ULK4: variants seen among roughly 807,000 people sequenced by gnomAD.
ULK4 encodes the protein inactive serine/threonine-protein kinase ULK4.
Under a neutral mutation model 160.6 loss-of-function variants are expected in ULK4, and 133 were observed. The observed-to-expected ratio is 0.83, with a 90% CI of 0.72 to 0.96. The LOEUF (loss-of-function observed/expected upper bound fraction) is 0.96. Ranked by LOEUF, ULK4 falls within the 40% of genes least tolerant of loss-of-function variation. The pLI, the probability that ULK4 is intolerant of heterozygous loss-of-function variation, is 0.00. For missense variants in ULK4, 1,580 were observed against 1,499.5 expected (o/e 1.05, Z -0.89); for synonymous variants, 534 against 539.8 (o/e 0.99, Z 0.15).
chr3:41,793,974 G>A (rs904915964), intron 20 of ULK4, among the ~76,000 whole-genome samples: 5 of 152,126 alleles, frequency 3.3e-5, no homozygotes, highest in African/African-American at 7.2e-5. Context: ...ATATCAGCAG[G>A]CAACATCACC....
chr3:41,620,134 C>A (rs1481720540), intron 30 of ULK4, among the ~76,000 whole-genome samples: 1 of 152,090 alleles, frequency 6.6e-6, no homozygotes. Flanking sequence ...ACCTACTGGC[C>A]AAAAAGAGCC....
At chr3:41,562,870 A>C (rs1477696716) in intron 32 of ULK4, among the ~76,000 whole-genome samples, 2 of 152,170 alleles carry the variant, frequency 1.3e-5, no homozygotes, top group Non-Finnish European at 2.9e-5. Context: ...ATTTAAGGTT[A>C]ATACTGTTAT....
intron 35 of ULK4, among the ~76,000 whole-genome samples, chr3:41,298,443 C>G (rs1239500107): frequency 6.6e-6 from 1 of 152,202 alleles, no homozygotes; most frequent in East Asian, 1.9e-4. Context: ...TAATGTTTTC[C>G]TGTTGTTAAA....
intron 17 of ULK4, among the ~76,000 whole-genome samples, chr3:41,869,271 C>T: frequency 6.6e-6 from 1 of 151,910 alleles, no homozygotes; most frequent in South Asian, 2.1e-4. Flanking sequence ...AATATTAGCT[C>T]ATAATATTAT....
intron 9 of ULK4, among the ~76,000 whole-genome samples, 183 bp from the exon 10 acceptor site, chr3:41,911,842 T>C (rs1380581348): frequency 6.6e-6 from 1 of 152,154 alleles, no homozygotes; most frequent in Non-Finnish European, 1.5e-5. Flanking sequence ...GAAAGCTACG[T>C]CACTGTAGTC....
intron 35 of ULK4, among the ~76,000 whole-genome samples, chr3:41,284,527 T>C (rs1340746167): frequency 6.6e-6 from 1 of 152,146 alleles, no homozygotes; most frequent in Middle Eastern, 3.2e-3. Context: ...GGTGCTGGGA[T>C]AACTGGCTAG....
intron 17 of ULK4, among the ~76,000 whole-genome samples, chr3:41,842,189 AT>A (rs796119788): frequency 0.12 from 15,270 of 124,880 alleles, 1,094 homozygotes; most frequent in Middle Eastern, 0.22. Flanking sequence ...AAAAAAAAAA[AT>A]AAAAAAAAAG....
chr3:41,680,495 A>G (rs1344770508), intron 29 of ULK4, among the ~76,000 whole-genome samples: 1 of 152,012 alleles, frequency 6.6e-6, no homozygotes, highest in Non-Finnish European at 1.5e-5. Flanking sequence ...TCCTCAACCA[A>G]CTGGAGTGGT....
chr3:41,828,296 C>T (rs1169721073), intron 18 of ULK4, among the ~76,000 whole-genome samples: 1 of 147,754 alleles, frequency 6.8e-6, no homozygotes. Flanking sequence ...AAATTCTGGC[C>T]AGGGCAATCA....
At chr3:41,436,832 T>G (rs1165029552) in intron 34 of ULK4, among the ~76,000 whole-genome samples, 1 of 152,158 alleles carries the variant, frequency 6.6e-6, no homozygotes, top group Non-Finnish European at 1.5e-5. Flanking sequence ...AAGGGCATCA[T>G]GAATTAATTA....
chr3:41,872,696 A>G (rs17081343), intron 17 of ULK4, among the ~76,000 whole-genome samples: 2,109 of 152,214 alleles, frequency 0.014, 46 homozygotes, highest in African/African-American at 0.048. Flanking sequence ...GCTCCTCGAC[A>G]ATTATCAGAA....
chr3:41,857,419 T>C (rs1261158041), intron 17 of ULK4, among the ~76,000 whole-genome samples: 1 of 152,240 alleles, frequency 6.6e-6, no homozygotes, highest in African/African-American at 2.4e-5. Context: ...TTGATATGTC[T>C]TTGTCAGATT....
In ULK4 at chr3:41,868,800, C is replaced by CT. The variant is rs77680281; in HGVS notation, c.1656+15073dup. Among the ~76,000 whole-genome samples the CT allele has an allele frequency of 6.6e-3, 1,005 of 151,430 alleles. 9 individuals are homozygous for CT. Among genetic ancestry groups the CT allele is most frequent in the African/African-American group, 0.023 (954 of 41,326 alleles). The stretch of plus-strand genomic sequence containing the variant: ...GTGTGAGCCACTGGACCAGCTAGGT[C>CT]TTTTTTTTCCCCCCCAATATGACAA... On this transcript the variant is annotated intron_variant, in intron 17 of 36. Coordinates refer to ENST00000301831, the MANE Select transcript of ULK4 (RefSeq NM_017886.4).
At chr3:41,597,689 T>G (rs2031787355) in intron 31 of ULK4, among the ~76,000 whole-genome samples, 1 of 152,208 alleles carries the variant, frequency 6.6e-6, no homozygotes, top group South Asian at 2.1e-4. Flanking sequence ...GAGACAGCAC[T>G]GCCCACAGGT....
intron 21 of ULK4, among the ~76,000 whole-genome samples, chr3:41,757,925 C>A (rs79351593): frequency 6.6e-6 from 1 of 152,138 alleles, no homozygotes; most frequent in African/African-American, 2.4e-5. Context: ...CCATGCCTGG[C>A]CGAAATGCTC....
chr3:41,548,120 C>T (rs2086928565), intron 32 of ULK4, among the ~76,000 whole-genome samples: 1 of 152,160 alleles, frequency 6.6e-6, no homozygotes, highest in Non-Finnish European at 1.5e-5. Flanking sequence ...CACCTGAGCA[C>T]ACCATACAGG....
At chr3:41,803,834 C>T (rs1575736564) in intron 19 of ULK4, among the ~76,000 whole-genome samples, 1 of 152,188 alleles carries the variant, frequency 6.6e-6, no homozygotes, top group African/African-American at 2.4e-5. Context: ...TTTATGGCTG[C>T]ATAGTATTCC....
chr3:41,534,837 T>C (rs1201796113), intron 32 of ULK4, among the ~76,000 whole-genome samples: 2 of 152,222 alleles, frequency 1.3e-5, no homozygotes, highest in Admixed American at 1.3e-4. Context: ...TTTTATCATA[T>C]ATTGCCTATA....
chr3:41,735,203 G>C (rs1368375219), intron 22 of ULK4, among the ~76,000 whole-genome samples: 1 of 152,146 alleles, frequency 6.6e-6, no homozygotes, highest in Non-Finnish European at 1.5e-5. Flanking sequence ...AGGCAATTAG[G>C]AGTTACAAGT....
Sources: allele counts gnomAD v4.1 joint callset (sites outside exome capture counted in the v4.1 genomes callset), GRCh38; gene constraint gnomAD v4.1.1; transcripts MANE v1.5; gene names NCBI Gene and HGNC (gene_info 2026-07-23, HGNC 2026-07-21).